The following PBX1 variants were observed in gnomAD, a reference collection of about 807,000 sequenced individuals.
PBX1 encodes PBX homeobox 1.
A neutral mutation model predicts 53.4 loss-of-function variants in PBX1; 6 were observed. The observed-to-expected ratio is 0.11, with a 90% CI of 0.06 to 0.22. The LOEUF (loss-of-function observed/expected upper bound fraction) is 0.22, where lower values mean the gene tolerates loss of function less well. Among genes scored for constraint, PBX1 ranks in the 10% least tolerant of loss-of-function variants. PBX1 has a pLI of 1.00. For missense variants in PBX1, 251 were observed against 551.4 expected (o/e 0.46, Z 5.46); for synonymous variants, 204 against 212.3 (o/e 0.96, Z 0.34).
At chr1:164,753,246 C>A (rs1419676081) in intron 2 of PBX1, among the ~76,000 whole-genome samples, 1 of 152,132 alleles carries the variant, frequency 6.6e-6, no homozygotes, top group Non-Finnish European at 1.5e-5. Flanking sequence ...TAAAAAAGTG[C>A]ACAGCATGTA....
At chr1:164,570,557 A>G (rs557452506) in intron 2 of PBX1, among the ~76,000 whole-genome samples, 3 of 152,164 alleles carry the variant, frequency 2.0e-5, no homozygotes, top group African/African-American at 4.8e-5. Flanking sequence ...TTATGGCTCC[A>G]TAGTATTCCA....
intron 2 of PBX1, among the ~76,000 whole-genome samples, chr1:164,608,939 A>T (rs926970260): frequency 1.3e-5 from 2 of 152,154 alleles, no homozygotes; most frequent in Admixed American, 6.5e-5. Context: ...AATTCCAGGA[A>T]TCTCTTAGGA....
At chr1:164,761,210 G>C (rs1228049718) in intron 2 of PBX1, among the ~76,000 whole-genome samples, 3 of 152,210 alleles carry the variant, frequency 2.0e-5, no homozygotes, top group Non-Finnish European at 4.4e-5. Context: ...CTCACAGTAA[G>C]ATGTGTCTGC....
intron 2 of PBX1, among the ~76,000 whole-genome samples, chr1:164,864,657 C>T (rs1221242519): frequency 6.6e-6 from 1 of 152,130 alleles, no homozygotes; most frequent in Non-Finnish European, 1.5e-5. Flanking sequence ...CCTGGCTGGA[C>T]CTTGGCTGTC....
chr1:164,884,619 C>CT (rs1672736268), intron 2 of PBX1: 1 of 480,994 alleles, frequency 2.1e-6, no homozygotes, highest in Non-Finnish European at 4.0e-6. Flanking sequence ...GAAGAAATGT[C>CT]TTCCCCTATC....
chr1:164,880,947 A>G (rs535414095), intron 2 of PBX1, among the ~76,000 whole-genome samples: 2 of 152,348 alleles, frequency 1.3e-5, no homozygotes, highest in South Asian at 4.1e-4. Context: ...GTTAATGGGA[A>G]CACTCTGAAA....
At chr1:164,577,816 G>A (rs995014821) in intron 2 of PBX1, among the ~76,000 whole-genome samples, 3 of 152,138 alleles carry the variant, frequency 2.0e-5, no homozygotes, top group Non-Finnish European at 2.9e-5. Flanking sequence ...CCACCAGCTG[G>A]AGAATCAAGC....
chr1:164,631,748 A>C (rs946520436), intron 2 of PBX1, among the ~76,000 whole-genome samples: 12 of 152,388 alleles, frequency 7.9e-5, no homozygotes, highest in African/African-American at 1.9e-4. Context: ...GTGCATATGA[A>C]ATCCGTAAGA....
chr1:164,789,993 A>G (rs528400298), intron 2 of PBX1, among the ~76,000 whole-genome samples: 1 of 151,778 alleles, frequency 6.6e-6, no homozygotes, highest in East Asian at 2.0e-4. Flanking sequence ...TTTGTAAATG[A>G]CCCATAAATT....
intron 7 of PBX1, 86 bp from the exon 8 acceptor site, chr1:164,821,451 A>G: frequency 9.9e-7 from 1 of 1,007,622 alleles, no homozygotes; most frequent in East Asian, 2.4e-5. Context: ...GGCATGCCCA[A>G]ATGGTGGCCT....
At chr1:164,677,811 AG>A (rs947129173) in intron 2 of PBX1, among the ~76,000 whole-genome samples, 12 of 152,112 alleles carry the variant, frequency 7.9e-5, no homozygotes, top group Non-Finnish European at 1.8e-4. Context: ...GGTGACAATG[AG>A]GGGATTGGCT....
intron 8 of PBX1, among the ~76,000 whole-genome samples, chr1:164,839,862 G>A (rs960355416): frequency 4.6e-5 from 7 of 151,958 alleles, no homozygotes; most frequent in Non-Finnish European, 8.8e-5. Flanking sequence ...GTGGTGGTGT[G>A]GCATTGATAT....
chr1:164,575,764 T>C (rs1353951133), intron 2 of PBX1, among the ~76,000 whole-genome samples: 1 of 151,874 alleles, frequency 6.6e-6, no homozygotes, highest in East Asian at 1.9e-4. Flanking sequence ...CTTACATTAA[T>C]AAATATTTAA....
At chr1:164,753,024 C>T (rs954402721) in intron 2 of PBX1, among the ~76,000 whole-genome samples, 8 of 152,174 alleles carry the variant, frequency 5.3e-5, no homozygotes, top group African/African-American at 1.9e-4. Flanking sequence ...TGATTTCTTA[C>T]TAGCAAACAT....
Position 164,847,387 on chromosome 1 carries a change from G to T in PBX1, c.*711G>T. Reference sequence around the variant, plus strand: ...TGGTTCCCGGGCAGGAAGTCAGGCAGCAGGGAAGGACACGGGAACAGCAGG... The same window carrying T: ...TGGTTCCCGGGCAGGAAGTCAGGCATCAGGGAAGGACACGGGAACAGCAGG... On this transcript the variant is annotated 3_prime_UTR_variant, in exon 9 of 9. Transcript: ENST00000420696. The T allele has an allele frequency of 1.9e-6, 2 of 1,064,718 alleles. No homozygotes were observed. The highest frequency in any genetic ancestry group is 9.1e-5 in the South Asian group (2 of 21,976). 66.0% of individuals were successfully genotyped at this position (1,064,718 alleles called of 1,614,324 possible).
intron 2 of PBX1, among the ~76,000 whole-genome samples, chr1:164,759,260 C>T (rs1046204524): frequency 7.9e-5 from 12 of 152,252 alleles, no homozygotes; most frequent in African/African-American, 2.4e-4. Context: ...ATACAGGCAA[C>T]GATTAGGATC....
intron 5 of PBX1, among the ~76,000 whole-genome samples, chr1:164,810,703 G>A (rs1173584178): frequency 2.0e-5 from 3 of 152,188 alleles, no homozygotes; most frequent in South Asian, 2.1e-4. Context: ...ATTTCAAAGT[G>A]AAACTAGATA....
In PBX1 at chr1:164,870,205, TTTCTTTTC is replaced by T. The variant is rs1272377913; in HGVS notation, n.258-28980_258-28973del. 1.1e-3 allele frequency among the ~76,000 whole-genome samples: 162 copies of T among 144,958 alleles called. 5 individuals carry two copies. The highest frequency in any genetic ancestry group is 5.1e-3 in the South Asian group (22 of 4,278). On this transcript the variant is annotated intron_variant and non_coding_transcript_variant, in intron 2 of 2. Transcript: ENST00000558796. ...TTTCTCTATTGACTTTCTTTCTTTC[TTTCTTTTC>T]TTTCTTTCCTTCCTTCCTTCCTTCC...
intron 2 of PBX1, among the ~76,000 whole-genome samples, chr1:164,623,679 G>A (rs1019891506): frequency 1.3e-5 from 2 of 152,154 alleles, no homozygotes; most frequent in African/African-American, 4.8e-5. Context: ...TTTGTGGCTA[G>A]CATCTTGGTG....
Sources: gnomAD v4.1 joint callset for allele counts (sites outside exome capture counted in the v4.1 genomes callset) on GRCh38, gnomAD v4.1.1 for gene constraint, MANE v1.5 for transcripts, NCBI Gene and HGNC (gene_info 2026-07-23, HGNC 2026-07-21) for gene names.